LSAMP: variants seen among roughly 807,000 people sequenced by gnomAD.
LSAMP encodes the protein limbic system-associated membrane protein.
A neutral mutation model predicts 38.6 loss-of-function variants in LSAMP; 7 were observed. That is an observed-to-expected ratio of 0.18 (90% confidence interval 0.10 to 0.34). The LOEUF (loss-of-function observed/expected upper bound fraction) is 0.34. Among genes scored for constraint, LSAMP ranks in the 10% least tolerant of loss-of-function variants. The pLI is 1.00. For missense variants in LSAMP, 313 were observed against 420.0 expected (o/e 0.75, Z 2.23); for synonymous variants, 154 against 166.8 (o/e 0.92, Z 0.59).
At chr3:116,390,634 G>C (rs1289320299) in intron 1 of LSAMP, among the ~76,000 whole-genome samples, 1 of 150,894 alleles carries the variant, frequency 6.6e-6, no homozygotes. Flanking sequence ...GGAGGCTGAG[G>C]CATGAAAATT....
intron 1 of LSAMP, among the ~76,000 whole-genome samples, chr3:116,396,710 G>T (rs2048772563): frequency 6.6e-6 from 1 of 152,080 alleles, no homozygotes; most frequent in African/African-American, 2.4e-5. Flanking sequence ...TTTGTCTACT[G>T]TTCTACTCAG....
chr3:115,841,755 C>T (rs2107503804), intron 6 of LSAMP, 90 bp downstream of exon 6: 2 of 1,472,256 alleles, frequency 1.4e-6, no homozygotes, highest in Non-Finnish European at 1.8e-6. Context: ...TTTAAGTGAA[C>T]TTTTAATAGC....
At chr3:116,240,802 A>G (rs2046522740) in intron 1 of LSAMP, among the ~76,000 whole-genome samples, 1 of 152,264 alleles carries the variant, frequency 6.6e-6, no homozygotes, top group Non-Finnish European at 1.5e-5. Flanking sequence ...AGAGCTGATA[A>G]AACAAATAAT....
chr3:115,910,665 T>TGGTAAAAGCTCAATAAA (rs1937114309), intron 3 of LSAMP, among the ~76,000 whole-genome samples: 1 of 152,176 alleles, frequency 6.6e-6, no homozygotes, highest in Non-Finnish European at 1.5e-5. Flanking sequence ...ATCCTGCATA[T>TGGTAAAAGCTCAATAAA]TGTTCTTTTA....
intron 3 of LSAMP, among the ~76,000 whole-genome samples, chr3:115,918,258 G>A (rs1937298390): frequency 6.6e-6 from 1 of 152,192 alleles, no homozygotes; most frequent in East Asian, 1.9e-4. Context: ...TCCAAATGAT[G>A]CAAAGGTTAT....
chr3:116,066,168 T>A (rs2107368075), intron 2 of LSAMP, among the ~76,000 whole-genome samples: 1 of 152,268 alleles, frequency 6.6e-6, no homozygotes, highest in South Asian at 2.1e-4. Context: ...GACTTTTCAC[T>A]TTGTCCTCAC....
At chr3:116,121,168 A>G (rs1232386734) in intron 1 of LSAMP, among the ~76,000 whole-genome samples, 9 of 152,206 alleles carry the variant, frequency 5.9e-5, no homozygotes, top group Non-Finnish European at 1.5e-5. Context: ...CTACCTAATA[A>G]TAGTTATTTA....
At chr3:116,354,845 ATGTGTGTGTGTGTGTG>A (rs56975134) in intron 1 of LSAMP, among the ~76,000 whole-genome samples, 1 of 146,318 alleles carries the variant, frequency 6.8e-6, no homozygotes, top group African/African-American at 2.5e-5. Flanking sequence ...GGGTGTATAT[ATGTGTGTGTGTGTGTG>A]TGTGTGTGTG....
chr3:115,902,863 G>T (rs921785936), intron 3 of LSAMP, among the ~76,000 whole-genome samples: 2 of 152,162 alleles, frequency 1.3e-5, no homozygotes, highest in Non-Finnish European at 2.9e-5. Flanking sequence ...TGAGGTTTCA[G>T]AGAAAAAGCA....
chr3:116,180,723 G>T (rs58556995), intron 1 of LSAMP, among the ~76,000 whole-genome samples: 3,193 of 152,188 alleles, frequency 0.021, 109 homozygotes, highest in African/African-American at 0.071. Context: ...TAGTTTATAA[G>T]TAGGGCAAAG....
intron 3 of LSAMP, among the ~76,000 whole-genome samples, chr3:115,958,764 G>A (rs1389630956): frequency 6.6e-6 from 1 of 152,136 alleles, no homozygotes; most frequent in African/African-American, 2.4e-5. Context: ...CAGGCAAGTA[G>A]ATGTAAAGGC....
chr3:115,886,355 G>A (rs1430137934), intron 3 of LSAMP, among the ~76,000 whole-genome samples: 3 of 151,840 alleles, frequency 2.0e-5, no homozygotes, highest in Non-Finnish European at 1.5e-5. Context: ...TTATCTTATT[G>A]TGAACTGTTA....
chr3:116,148,347 C>T (rs1407204657), intron 1 of LSAMP, among the ~76,000 whole-genome samples: 4 of 151,934 alleles, frequency 2.6e-5, no homozygotes, highest in Non-Finnish European at 2.9e-5. Context: ...GTGACTCCTG[C>T]TCACCTCCTC....
At chr3:116,407,715 G>A (rs1436368504) in intron 1 of LSAMP, among the ~76,000 whole-genome samples, 2 of 152,038 alleles carry the variant, frequency 1.3e-5, no homozygotes, top group African/African-American at 4.8e-5. Context: ...GGAAAATGAT[G>A]AATTTGCATG....
chr3:116,277,727 A>G (rs1190537134), intron 1 of LSAMP, among the ~76,000 whole-genome samples: 1 of 152,092 alleles, frequency 6.6e-6, no homozygotes, highest in Non-Finnish European at 1.5e-5. Context: ...CTGCCTACCT[A>G]TTTAAATACT....
intron 1 of LSAMP, among the ~76,000 whole-genome samples, chr3:116,139,622 T>C (rs1262978998): frequency 6.6e-6 from 1 of 152,002 alleles, no homozygotes; most frequent in Non-Finnish European, 1.5e-5. Flanking sequence ...TTGCAAGTTG[T>C]ATTGCCTAAG....
chr3:116,120,711 C>T (rs1708855067), intron 1 of LSAMP, among the ~76,000 whole-genome samples: 1 of 152,116 alleles, frequency 6.6e-6, no homozygotes, highest in Non-Finnish European at 1.5e-5. Flanking sequence ...TCTTTGAAAA[C>T]ATAACCAAGG....
intron 1 of LSAMP, among the ~76,000 whole-genome samples, chr3:116,432,647 C>A (rs1306957646): frequency 6.6e-6 from 1 of 151,952 alleles, no homozygotes; most frequent in Non-Finnish European, 1.5e-5. Context: ...TAGCTATATT[C>A]AAAAACGTAA....
intron 2 of LSAMP, among the ~76,000 whole-genome samples, chr3:116,047,948 C>A (rs1433428245): frequency 6.6e-6 from 1 of 152,176 alleles, no homozygotes; most frequent in Non-Finnish European, 1.5e-5. Context: ...CTCTCATCGA[C>A]TATAGTCACT....
Sources: gnomAD v4.1 joint callset for allele counts (sites outside exome capture counted in the v4.1 genomes callset) on GRCh38, gnomAD v4.1.1 for gene constraint, MANE v1.5 for transcripts, NCBI Gene and HGNC (gene_info 2026-07-23, HGNC 2026-07-21) for gene names.